BNC1: variants seen among roughly 807,000 people sequenced by gnomAD.
BNC1 encodes basonuclin zinc finger protein 1.
A neutral mutation model predicts 66.5 loss-of-function variants in BNC1; 8 were observed. That is an observed-to-expected ratio of 0.12 (90% CI 0.07 to 0.22). The LOEUF (loss-of-function observed/expected upper bound fraction) is 0.22, where lower values mean the gene tolerates loss of function less well. Among genes scored for constraint, BNC1 ranks in the 10% least tolerant of loss-of-function variants. The pLI is 1.00. For synonymous variants in BNC1, 454 were observed against 452.6 expected (o/e 1.00, Z -0.04); for missense variants, 1,069 against 1,241.3 (o/e 0.86, Z 2.09).
chr15:83,266,569 G>T (rs1157958905), intron 3 of BNC1, among the ~76,000 whole-genome samples: 1 of 152,186 alleles, frequency 6.6e-6, no homozygotes, highest in African/African-American at 2.4e-5. Flanking sequence ...CTGAAATGGG[G>T]CAAATGGTTT....
At chr15:83,275,674 G>A (rs1457690748) in intron 1 of BNC1, among the ~76,000 whole-genome samples, 1 of 152,122 alleles carries the variant, frequency 6.6e-6, no homozygotes, top group African/African-American at 2.4e-5. Flanking sequence ...ACTGGAGAGA[G>A]AGGAAGTATT....
chr15:83,272,700 C>G (rs2038281319), intron 1 of BNC1, among the ~76,000 whole-genome samples: 1 of 152,218 alleles, frequency 6.6e-6, no homozygotes, highest in African/African-American at 2.4e-5. Flanking sequence ...AACCAGGTGA[C>G]TGTCTCAGGT....
chr15:83,264,417 C>T lies in BNC1; in HGVS notation c.834G>A (p.Gln278=). ...TGTCAGGGAAGGGCCCATGGACTTC[C>T]TGTTTGGGGTCCTGACTTTGGTCAT... ...QGHDQSQDPK[Q]EVHGPFPDSS... is the part of the protein sequence containing the mutation. Residue 278 remains glutamine, a synonymous_variant, in exon 4 of 5, where the codon CAG becomes CAA. Coordinates refer to ENST00000345382, the MANE Select transcript of BNC1 (RefSeq NM_001717.4). 1 of 1,614,142 alleles carries T rather than the reference C, an allele frequency of 6.2e-7. No homozygotes were observed. The highest frequency in any genetic ancestry group is 8.5e-7 in the Non-Finnish European group (1 of 1,180,022).
chr15:83,272,497 A>G (rs1344887470), intron 1 of BNC1, among the ~76,000 whole-genome samples: 1 of 150,932 alleles, frequency 6.6e-6, no homozygotes, highest in Non-Finnish European at 1.5e-5. Flanking sequence ...TCGGCCTCCC[A>G]AAGTGCTGGA....
intron 1 of BNC1, 133 bp downstream of exon 1, chr15:83,284,384 CTCGGGGCCGCGCT>C (rs1160979003): frequency 2.3e-6 from 1 of 431,332 alleles, no homozygotes; most frequent in Non-Finnish European, 3.1e-6. Flanking sequence ...CCCGCCGCGC[CTCGGGGCCGCGCT>C]GCCGCGCAGG....
Position 83,264,558 on chromosome 15 carries a change from G to A in BNC1, c.693C>T (p.His231=). 5 of 1,614,152 alleles carry A rather than the reference G, an allele frequency of 3.1e-6. No homozygotes were observed. Among genetic ancestry groups the A allele is most frequent in the Non-Finnish European group, 3.4e-6 (4 of 1,180,034 alleles). The change falls in exon 4 of 5, where the codon CAC becomes CAT. Residue 231 remains histidine (H), a synonymous_variant. Coordinates refer to ENST00000345382, the MANE Select transcript of BNC1 (RefSeq NM_001717.4). ...TGTTGCTTATGAGGTTCTCAAAGGGGTGTATACTGCTGGGGTTTCCTTTGT... is the reference window on the plus strand; with the variant it reads ...TGTTGCTTATGAGGTTCTCAAAGGGATGTATACTGCTGGGGTTTCCTTTGT... ...PVDKGNPSSI[H]PFENLISNMT...
intron 1 of BNC1, among the ~76,000 whole-genome samples, chr15:83,275,491 C>CAAAAAAA (rs35785505): frequency 1.2e-5 from 1 of 82,996 alleles, no homozygotes; most frequent in Admixed American, 1.4e-4. Context: ...GACTCCATCT[C>CAAAAAAA]AAAAAAAAAA....
chr15:83,279,870 G>C (rs1354178989), intron 1 of BNC1, among the ~76,000 whole-genome samples: 2 of 152,202 alleles, frequency 1.3e-5, no homozygotes, highest in African/African-American at 2.4e-5. Flanking sequence ...CAAAGACTGA[G>C]GGCATGGAGA....
chr15:83,281,296 T>G (rs2038376303), intron 1 of BNC1, among the ~76,000 whole-genome samples: 1 of 152,218 alleles, frequency 6.6e-6, no homozygotes, highest in Admixed American at 6.5e-5. Context: ...ATGCTTCTTT[T>G]GAGCAGAATC....
intron 1 of BNC1, 111 bp downstream of exon 1, chr15:83,284,418 GC>G: frequency 1.6e-6 from 1 of 633,848 alleles, no homozygotes; most frequent in South Asian, 5.4e-5. Context: ...TAGCCAGCTG[GC>G]CCTCGGGAGG....
At chr15:83,277,764 C>T (rs936513379) in intron 1 of BNC1, among the ~76,000 whole-genome samples, 2 of 152,124 alleles carry the variant, frequency 1.3e-5, no homozygotes, top group African/African-American at 4.8e-5. Flanking sequence ...CTTCACTTAA[C>T]CTGTTGTGAA....
Position 83,256,240 on chromosome 15 carries a change from G to A in BNC1, c.*1202C>T, listed in dbSNP as rs1164300073. Reference sequence around the variant, plus strand: ...AAATCAATGTCCTTGTACCTACACAGGCTTTTAGAATGCTGCAAATGCTGA... The same window carrying A: ...AAATCAATGTCCTTGTACCTACACAAGCTTTTAGAATGCTGCAAATGCTGA... On this transcript the variant is annotated 3_prime_UTR_variant, in exon 5 of 5. Coordinates refer to ENST00000345382, the MANE Select transcript of BNC1 (RefSeq NM_001717.4). The A allele has an allele frequency of 6.6e-6, 1 of 152,608 alleles. No individual in the cohort carries two copies. Among genetic ancestry groups the A allele is most frequent in the Non-Finnish European group, 1.5e-5 (1 of 68,040 alleles). 9.5% of individuals were successfully genotyped at this position (152,608 alleles called of 1,614,324 possible).
At chr15:83,267,798 T>A (rs1235489316) in intron 2 of BNC1, among the ~76,000 whole-genome samples, 2 of 152,216 alleles carry the variant, frequency 1.3e-5, no homozygotes, top group Non-Finnish European at 2.9e-5. Flanking sequence ...CTGTTGTTTA[T>A]CTGAAATTCA....
At chr15:83,272,427 G>A (rs917469432) in intron 1 of BNC1, among the ~76,000 whole-genome samples, 4 of 130,870 alleles carry the variant, frequency 3.1e-5, no homozygotes, top group South Asian at 2.3e-4. Flanking sequence ...TAGTAGAGAC[G>A]GGTTTTGCCA....
Position 83,263,746 on chromosome 15 carries a change from G to A in BNC1, c.1505C>T (p.Ala502Val), listed in dbSNP as rs1422790994. Residue 502 changes from alanine (A) to valine (V), a missense_variant, in exon 4 of 5, where the codon GCA (alanine) becomes GTA (valine). Ala to Val is a moderately conservative substitution (Grantham distance 64). Transcript: ENST00000345382. The stretch of plus-strand genomic sequence containing the variant: ...GGAAGGGAGTATCCCAGGCGTGTTT[G>A]CTACCTCGGCAGGCGTGGCTGGACT... ...YRSPATPAEV[A>V]NTPGILPSLP... The A allele has an allele frequency of 6.2e-7, 1 of 1,614,214 alleles. No individual in the cohort carries two copies. Among genetic ancestry groups the A allele is most frequent in the East Asian group, 2.2e-5 (1 of 44,886 alleles).
At chr15:83,262,538 CA>C (rs1314047628) in intron 4 of BNC1, among the ~76,000 whole-genome samples, 4 of 152,212 alleles carry the variant, frequency 2.6e-5, no homozygotes, top group Admixed American at 6.5e-5. Flanking sequence ...AAGAAGATTA[CA>C]AGTAGCCTCA....
At chr15:83,283,237 C>T in intron 1 of BNC1, 1 of 1,535,666 alleles carries the variant, frequency 6.5e-7, no homozygotes, top group Non-Finnish European at 8.7e-7. Context: ...CTCGGAGCTA[C>T]GCGCTGATTA....
At chr15:83,271,541 T>C (rs1262028859) in intron 1 of BNC1, among the ~76,000 whole-genome samples, 1 of 152,222 alleles carries the variant, frequency 6.6e-6, no homozygotes, top group East Asian at 1.9e-4. Flanking sequence ...AACACTCACT[T>C]TAATAATGCA....
Position 83,264,594 on chromosome 15 carries a change from G to T in BNC1, c.657C>A (p.Pro219=). The change falls in exon 4 of 5, where the codon CCC becomes CCA. Residue 219 remains proline (P), a synonymous_variant. Coordinates refer to ENST00000345382, the MANE Select transcript of BNC1 (RefSeq NM_001717.4). ...ESCSHRSSSL[P]TPVDKGNPSS... is the part of the protein sequence containing the mutation. ...TGGGGTTTCCTTTGTCCACAGGAGT[G>T]GGGAGGCTAGAACTCCTGTGACTGC... 5 of 1,614,086 alleles carry T rather than the reference G, an allele frequency of 3.1e-6. No individual in the cohort carries two copies. The highest frequency in any genetic ancestry group is 4.2e-6 in the Non-Finnish European group (5 of 1,179,990).
Sources: allele counts gnomAD v4.1 joint callset (sites outside exome capture counted in the v4.1 genomes callset), GRCh38; gene constraint gnomAD v4.1.1; transcripts MANE v1.5; gene names NCBI Gene and HGNC (gene_info 2026-07-23, HGNC 2026-07-21).